CABLES2: variants seen among roughly 807,000 people sequenced by gnomAD.
The protein encoded by CABLES2 is CDK5 and ABL1 enzyme substrate 2.
Under a neutral mutation model 44.8 loss-of-function variants are expected in CABLES2, and 35 were observed. The observed-to-expected ratio is 0.78, with a 90% CI of 0.60 to 1.04. CABLES2 has a LOEUF of 1.04. Among genes scored for constraint, CABLES2 ranks in the 50% least tolerant of loss-of-function variants. CABLES2 has a pLI of 0.00. For synonymous variants in CABLES2, 282 were observed against 281.1 expected, an observed-to-expected ratio of 1.00 and a Z score of -0.03; for missense variants, 566 against 615.7, an observed-to-expected ratio of 0.92 and a Z score of 0.85.
At chr20:62,398,117 G>GGTGGTGGTGATGGTGGTA (rs1988093016) in intron 1 of CABLES2, among the ~76,000 whole-genome samples, 2 of 145,880 alleles carry the variant, frequency 1.4e-5, no homozygotes, top group Non-Finnish European at 3.0e-5. Flanking sequence ...TGGTGGTGGT[G>GGTGGTGGTGATGGTGGTA]GTGGTGGTTA....
rs1429640918 is a variant in CABLES2, at chr20:62,391,092, C to T, written c.1316G>A (p.Arg439Gln). ...QLIDKLEERF[R>Q]FNRRDLIGFE... is the part of the protein sequence containing the mutation. ...CCCTATCAGGTCGCGCCTGTTGAAT[C>T]GAAACCTTTCTTCTAACTTCTGCAG... The change falls in exon 10 of 10, where the codon CGA (arginine) becomes CAA (glutamine). Residue 439 changes from arginine to glutamine, a missense_variant. Coordinates refer to ENST00000279101, the MANE Select transcript of CABLES2 (RefSeq NM_031215.3). The surrounding 1 kb of genome is among the most constrained non-coding windows in gnomAD (Gnocchi z 5.7). 3 of 1,613,966 alleles carry T rather than the reference C, an allele frequency of 1.9e-6. No homozygotes were observed. The highest frequency in any genetic ancestry group is 2.2e-5 in the East Asian group (1 of 44,894).
At position 62,393,624 on chromosome 20, in the gene CABLES2, C is replaced by T; in HGVS notation, c.715-19G>A. On this transcript the variant is annotated intron_variant, in intron 5 of 9. Transcript: ENST00000279101. ...ACACGACCTGGAAAAGCAAATGCATCTGGCCTCAGCTCTGCCTCCCGGGAC... is the reference window on the plus strand; with the variant it reads ...ACACGACCTGGAAAAGCAAATGCATTTGGCCTCAGCTCTGCCTCCCGGGAC... 1 of 1,553,180 alleles carries T rather than the reference C, an allele frequency of 6.4e-7. No homozygotes were observed. Among genetic ancestry groups the T allele is most frequent in the South Asian group, 1.2e-5 (1 of 82,246 alleles).
chr20:62,398,120 G>GAT (rs1569017665), intron 1 of CABLES2, among the ~76,000 whole-genome samples: 4 of 143,868 alleles, frequency 2.8e-5, no homozygotes, highest in African/African-American at 8.0e-5. Context: ...TGGTGGTGGT[G>GAT]GTGGTTATGA....
chr20:62,396,963 C>A lies in CABLES2; in HGVS notation c.363-371G>T, dbSNP rs528169106. Among the ~76,000 whole-genome samples the A allele has an allele frequency of 6.6e-6, 1 of 152,280 alleles. No homozygotes were observed. Among genetic ancestry groups the A allele is most frequent in the South Asian group, 2.1e-4 (1 of 4,828 alleles). ...ACCAACTCTGACAGGCCCATCCCAC[C>A]CAGCGCTGCCTGAGACTGGTGCTGC... On this transcript the variant is annotated intron_variant, in intron 1 of 9. Coordinates refer to ENST00000279101, the MANE Select transcript of CABLES2 (RefSeq NM_031215.3). This position sits in a 1 kb window ranked among gnomAD's most constrained non-coding sequence, Gnocchi z 5.7.
At chr20:62,397,973 A>AGTGGTGATGGCGGTG (rs1988063026) in intron 1 of CABLES2, among the ~76,000 whole-genome samples, 2 of 103,450 alleles carry the variant, frequency 1.9e-5, no homozygotes, top group South Asian at 4.1e-4. Context: ...TGGTGGTGAC[A>AGTGGTGATGGCGGTG]GTGGTGATGG....
rs1308641542 is a variant in CABLES2, at chr20:62,389,889, C to G, written c.*1082G>C. 6.6e-6 allele frequency: 1 copy of G among 152,212 alleles called. No individual in the cohort carries two copies. The highest frequency in any genetic ancestry group is 1.5e-5 in the Non-Finnish European group (1 of 68,060). The allele number at this position is 152,212 out of a possible 1,614,324, so 9.4% of individuals were successfully genotyped here. A position where few individuals can be genotyped will look rare whatever the true frequency, so the allele number is the denominator to read the frequency against. The stretch of plus-strand genomic sequence containing the variant: ...GGTCCTTTTAGCATGGTGGGCTGCC[C>G]TGGCCGAGGTGGCCAAGATGGCACC... On this transcript the variant is annotated 3_prime_UTR_variant, in exon 10 of 10. Coordinates refer to ENST00000279101, the MANE Select transcript of CABLES2 (RefSeq NM_031215.3).
In CABLES2 at chr20:62,393,602, C is replaced by T. The variant is rs765488829; in HGVS notation, c.718G>A (p.Val240Met). 1.2e-5 allele frequency: 19 copies of T among 1,578,342 alleles called. No homozygotes were observed. The highest frequency in any genetic ancestry group is 4.1e-5 in the African/African-American group (3 of 73,920). ...GVELGADGKV[V>M]SYAKFLYPTN... ...GGATACAGGAACTTCGCATAAGACA[C>T]GACCTGGAAAAGCAAATGCATCTGG... The change falls in exon 6 of 10, where the codon GTG becomes ATG. Residue 240 changes from valine to methionine, a missense_variant. By Grantham distance (21) the Val-to-Met change is conservative. Transcript: ENST00000279101.
chr20:62,394,061 C>G (rs1796951195), intron 5 of CABLES2, 96 bp downstream of exon 5: 1 of 940,668 alleles, frequency 1.1e-6, no homozygotes. Flanking sequence ...TGAAGCACAG[C>G]TTCACGTGTG....
chr20:62,388,791 T>C lies in CABLES2; in HGVS notation c.*2180A>G, dbSNP rs1163683848. 4 of 415,596 alleles carry C rather than the reference T, an allele frequency of 9.6e-6. No individual in the cohort carries two copies. The highest frequency in any genetic ancestry group is 2.0e-5 in the African/African-American group (1 of 49,370). 25.7% of individuals were successfully genotyped at this position (415,596 alleles called of 1,614,324 possible). A position where few individuals can be genotyped will look rare whatever the true frequency, so the allele number is the denominator to read the frequency against. ...AAGCAACGCCAGGCCTGGTTCTGTA[T>C]AGTCACAGCCGAGCTGAACACCTTA... On this transcript the variant is annotated 3_prime_UTR_variant, in exon 10 of 10. Transcript: ENST00000279101.
At chr20:62,394,418 C>T (rs1213862239) in intron 4 of CABLES2, among the ~76,000 whole-genome samples, 153 bp from the exon 5 acceptor site, 10 of 152,270 alleles carry the variant, frequency 6.6e-5, no homozygotes, top group African/African-American at 2.2e-4. Flanking sequence ...ACCAGGAAGG[C>T]GCACGTCAGG....
intron 1 of CABLES2, among the ~76,000 whole-genome samples, chr20:62,399,240 A>ATATTTTATTTTATTTGATTTTATTT (rs60092988): frequency 1.3e-5 from 2 of 148,902 alleles, no homozygotes; most frequent in African/African-American, 5.0e-5. Flanking sequence ...GTGAGCCACC[A>ATATTTTATTTTATTTGATTTTATTT]TATTTTATTT....
chr20:62,397,102 C>T (rs1988035433), intron 1 of CABLES2, among the ~76,000 whole-genome samples: 1 of 152,208 alleles, frequency 6.6e-6, no homozygotes, highest in Non-Finnish European at 1.5e-5. Flanking sequence ...CAGCTCCCTG[C>T]ACCAGCCACA....
chr20:62,390,830 G>C lies in CABLES2; in HGVS notation c.*141C>G. ...AAGGAAATGGCAAAGAGGCAAAAAG[G>C]AAAGCTGCACCAGCGGAGGCCAGGT... On this transcript the variant is annotated 3_prime_UTR_variant, in exon 10 of 10. Transcript: ENST00000279101. 2.1e-6 allele frequency: 2 copies of C among 952,490 alleles called. No individual in the cohort carries two copies. The highest frequency in any genetic ancestry group is 3.1e-6 in the Non-Finnish European group (2 of 639,100). The allele number at this position is 952,490 out of a possible 1,614,324, so 59.0% of individuals were successfully genotyped here. A position where few individuals can be genotyped will look rare whatever the true frequency, so the allele number is the denominator to read the frequency against.
At chr20:62,401,714 G>C (rs1357049211) in intron 1 of CABLES2, among the ~76,000 whole-genome samples, 16 of 152,338 alleles carry the variant, frequency 1.1e-4, no homozygotes, top group Admixed American at 9.8e-4. Context: ...GGCTCGTCAT[G>C]TGGTGACACA....
In CABLES2 at chr20:62,389,934, A is replaced by G. The variant is rs770770999; in HGVS notation, c.*1037T>C. 2.0e-5 allele frequency: 3 copies of G among 152,158 alleles called. No homozygotes were observed. Among genetic ancestry groups the G allele is most frequent in the Non-Finnish European group, 2.9e-5 (2 of 68,040 alleles). 9.4% of individuals were successfully genotyped at this position (152,158 alleles called of 1,614,324 possible). ...GGCACCTGTTTCCTGCCTCAGAAGA[A>G]AAGGCACTGACGCACTGACCCTTTG... On this transcript the variant is annotated 3_prime_UTR_variant, in exon 10 of 10. Coordinates refer to ENST00000279101, the MANE Select transcript of CABLES2 (RefSeq NM_031215.3).
Position 62,396,190 on chromosome 20 carries a change from GGTGTGGA to G in CABLES2, c.527+118_527+124del. 1.3e-6 allele frequency: 1 copy of G among 795,732 alleles called. No individual in the cohort carries two copies. The highest frequency in any genetic ancestry group is 2.2e-6 in the Non-Finnish European group (1 of 461,526). 49.3% of individuals were successfully genotyped at this position (795,732 alleles called of 1,614,324 possible). A position where few individuals can be genotyped will look rare whatever the true frequency, so the allele number is the denominator to read the frequency against. On this transcript the variant is annotated intron_variant, in intron 3 of 9. Coordinates refer to ENST00000279101, the MANE Select transcript of CABLES2 (RefSeq NM_031215.3). This position sits in a 1 kb window ranked among gnomAD's most constrained non-coding sequence, Gnocchi z 5.7. The stretch of plus-strand genomic sequence containing the variant: ...GTGGGGAGGAGGGCCCACCTCTAGA[GGTGTGGA>G]GTGTGGGGTGGGCGGGAGCTTTGGG...
At position 62,394,918 on chromosome 20, in the gene CABLES2, G is replaced by A. The variant is rs1987989198; in HGVS notation, c.605+19C>T. The A allele has an allele frequency of 1.2e-6, 2 of 1,609,358 alleles. No homozygotes were observed. Among genetic ancestry groups the A allele is most frequent in the Non-Finnish European group, 1.7e-6 (2 of 1,177,982 alleles). The stretch of plus-strand genomic sequence containing the variant: ...TGCCTAGATGGACACCGCATGCGAG[G>A]CAAGCGCTGAGTACTCACCTGATCC... On this transcript the variant is annotated intron_variant, in intron 4 of 9. Transcript: ENST00000279101.
chr20:62,398,139 A>ATGGTGG (rs1161706888), intron 1 of CABLES2, among the ~76,000 whole-genome samples: 19 of 45,542 alleles, frequency 4.2e-4, no homozygotes, highest in African/African-American at 8.6e-4. Flanking sequence ...GACGGTGGTG[A>ATGGTGG]TGGTGGTGGT....
At chr20:62,398,192 G>T (rs1292520361) in intron 1 of CABLES2, among the ~76,000 whole-genome samples, 4 of 123,904 alleles carry the variant, frequency 3.2e-5, no homozygotes, top group African/African-American at 8.9e-5. Context: ...TGGTGATGGT[G>T]ATGATGGTGG....
Sources: gnomAD v4.1 joint callset for allele counts (sites outside exome capture counted in the v4.1 genomes callset) on GRCh38, gnomAD v4.1.1 for gene constraint, Gnocchi (gnomAD v3.1) non-coding constraint, MANE v1.5 for transcripts, NCBI Gene and HGNC (gene_info 2026-07-23, HGNC 2026-07-21) for gene names.